Variants in MARCHF1 observed in about 807,000 individuals in gnomAD.
MARCHF1 encodes membrane associated ring-CH-type finger 1, also known as E3 ubiquitin-protein ligase MARCHF1.
In MARCHF1, 40 loss-of-function variants were observed where a neutral mutation model predicts 54.2. The ratio of observed to expected loss-of-function variants is 0.74; its 90% confidence interval spans 0.57 to 0.96. The LOEUF is 0.96. Among genes scored for constraint, MARCHF1 ranks in the 40% least tolerant of loss-of-function variants. MARCHF1 has a pLI of 0.00. For synonymous variants in MARCHF1, 236 were observed against 236.3 expected, an observed-to-expected ratio of 1.00 and a Z score of 0.01; for missense variants, 586 against 656.5, an observed-to-expected ratio of 0.89 and a Z score of 1.17.
chr4:163,699,447 T>A (rs1203132659), intron 5 of MARCHF1, among the ~76,000 whole-genome samples: 2 of 152,308 alleles, frequency 1.3e-5, no homozygotes, highest in East Asian at 3.9e-4. Context: ...AACTGGGCTT[T>A]GGAAACCAGC....
At chr4:163,877,468 T>G (rs1316115012) in intron 3 of MARCHF1, among the ~76,000 whole-genome samples, 1 of 150,502 alleles carries the variant, frequency 6.6e-6, no homozygotes, top group Admixed American at 6.6e-5. Context: ...ACTGTTTTTT[T>G]TTTTTTTTCT....
intron 5 of MARCHF1, among the ~76,000 whole-genome samples, chr4:163,685,521 C>T (rs1268932890): frequency 6.6e-6 from 1 of 152,092 alleles, no homozygotes; most frequent in African/African-American, 2.4e-5. Flanking sequence ...GTAGCGTGAA[C>T]TCAGCTCACT....
chr4:163,585,394 C>T (rs1309767688), intron 8 of MARCHF1: 1 of 156,476 alleles, frequency 6.4e-6, no homozygotes, highest in Non-Finnish European at 1.4e-5. Context: ...TGAGAACTGG[C>T]TTCCGTAAGC....
intron 2 of MARCHF1, among the ~76,000 whole-genome samples, chr4:164,025,521 T>G (rs185209421): frequency 6.6e-6 from 1 of 152,082 alleles, no homozygotes; most frequent in East Asian, 1.9e-4. Flanking sequence ...GGCCAAAAAA[T>G]TATTAGAAAT....
At chr4:163,854,297 G>A (rs1749712624) in intron 3 of MARCHF1, 128 bp from the exon 4 acceptor site, 1 of 640,448 alleles carries the variant, frequency 1.6e-6, no homozygotes, top group Non-Finnish European at 2.5e-6. Context: ...AAAACCAGGG[G>A]TTACAAGGAG....
chr4:163,714,099 C>T lies in MARCHF1; in HGVS notation c.112-13236G>A, dbSNP rs1172964969. ...ATTTCAGTGTCTCATGTTATTCTTT[C>T]ACTGGGTTTTTAATATTTAGAAATA... On this transcript the variant is annotated intron_variant, in intron 4 of 9. Transcript: ENST00000514618. Among the ~76,000 whole-genome samples the T allele has an allele frequency of 2.6e-5, 4 of 152,164 alleles. No homozygotes were observed. The East Asian group carries it at 7.7e-4, about 29-fold the overall frequency.
At chr4:164,063,346 T>C (rs1754661283) in intron 2 of MARCHF1, among the ~76,000 whole-genome samples, 1 of 152,216 alleles carries the variant, frequency 6.6e-6, no homozygotes, top group South Asian at 2.1e-4. Context: ...ATCTGTTGTT[T>C]AGTGTAGCCA....
At chr4:163,623,148 C>G (rs1042200245) in intron 5 of MARCHF1, among the ~76,000 whole-genome samples, 3 of 152,112 alleles carry the variant, frequency 2.0e-5, no homozygotes, top group African/African-American at 7.2e-5. Context: ...AGACAAGATC[C>G]AAGAGAAGTT....
chr4:164,044,677 T>C (rs964874598), intron 2 of MARCHF1, among the ~76,000 whole-genome samples: 4 of 152,138 alleles, frequency 2.6e-5, no homozygotes, highest in African/African-American at 9.7e-5. Flanking sequence ...TTTCTATCTT[T>C]CTCTTTCTCA....
intron 8 of MARCHF1, chr4:163,583,650 G>GGGTTTTTT (rs1560956056): frequency 2.3e-5 from 1 of 42,664 alleles, no homozygotes; most frequent in Non-Finnish European, 4.0e-5. Context: ...TGTTTTTTGT[G>GGGTTTTTT]TGTTTTTTTT....
intron 8 of MARCHF1, among the ~76,000 whole-genome samples, chr4:163,579,839 T>C (rs939795149): frequency 2.0e-5 from 3 of 152,154 alleles, no homozygotes; most frequent in Admixed American, 6.5e-5. Flanking sequence ...TGGGTTCCTA[T>C]GATAGGGAAA....
chr4:164,317,732 T>C (rs1019906418), intron 1 of MARCHF1, among the ~76,000 whole-genome samples: 4 of 152,086 alleles, frequency 2.6e-5, no homozygotes, highest in African/African-American at 9.7e-5. Context: ...AAGAATAGAA[T>C]AGAGTAGAAT....
At chr4:164,068,775 C>A (rs972770639) in intron 2 of MARCHF1, among the ~76,000 whole-genome samples, 2 of 152,212 alleles carry the variant, frequency 1.3e-5, no homozygotes, top group African/African-American at 4.8e-5. Context: ...GTTCCACCTG[C>A]GGCCCTGGTG....
intron 4 of MARCHF1, among the ~76,000 whole-genome samples, chr4:163,808,039 A>G (rs1384361278): frequency 2.0e-5 from 3 of 152,196 alleles, no homozygotes; most frequent in Non-Finnish European, 1.5e-5. Flanking sequence ...ACTCCTACAC[A>G]TATTTCATGC....
At chr4:164,203,288 G>A (rs547388028) in intron 1 of MARCHF1, among the ~76,000 whole-genome samples, 36 of 152,164 alleles carry the variant, frequency 2.4e-4, no homozygotes, top group East Asian at 1.5e-3. Flanking sequence ...GAGAGGGATA[G>A]GGGTGTGTGG....
chr4:164,357,317 G>A (rs1156374002), intron 1 of MARCHF1, among the ~76,000 whole-genome samples: 1 of 151,934 alleles, frequency 6.6e-6, no homozygotes, highest in Non-Finnish European at 1.5e-5. Flanking sequence ...TTCTTGGTTT[G>A]TGGCTCCTTC....
chr4:164,325,539 G>T (rs1421877167), intron 1 of MARCHF1, among the ~76,000 whole-genome samples: 2 of 151,738 alleles, frequency 1.3e-5, no homozygotes, highest in Non-Finnish European at 2.9e-5. Context: ...TAAAGAAAAG[G>T]TAAAACAAAA....
chr4:163,671,135 G>T (rs1187370809), intron 5 of MARCHF1, among the ~76,000 whole-genome samples: 1 of 152,170 alleles, frequency 6.6e-6, no homozygotes, highest in African/African-American at 2.4e-5. Context: ...TCTTCTCTTA[G>T]ATCTAATACC....
chr4:164,265,163 C>T (rs899192697), intron 1 of MARCHF1, among the ~76,000 whole-genome samples: 2 of 151,808 alleles, frequency 1.3e-5, no homozygotes, highest in African/African-American at 4.8e-5. Flanking sequence ...TGTGATTTTG[C>T]TTTAATTTGA....
Sources: gnomAD v4.1 joint callset for allele counts (sites outside exome capture counted in the v4.1 genomes callset) on GRCh38, gnomAD v4.1.1 for gene constraint, MANE v1.5 for transcripts, NCBI Gene and HGNC (gene_info 2026-07-23, HGNC 2026-07-21) for gene names.